Variants in NELFA observed in about 807,000 individuals in gnomAD.
NELFA encodes the protein negative elongation factor complex member A.
A neutral mutation model predicts 51.8 loss-of-function variants in NELFA; 35 were observed. The observed-to-expected ratio is 0.68, with a 90% confidence interval of 0.52 to 0.90. The LOEUF (loss-of-function observed/expected upper bound fraction) is 0.90. Ranked by LOEUF, NELFA falls within the 40% of genes least tolerant of loss-of-function variation. The probability of loss-of-function intolerance (pLI) is 0.00; values close to 1 mark genes in which losing one functional copy is unlikely to be tolerated. For synonymous variants in NELFA, 417 were observed against 338.4 expected, an observed-to-expected ratio of 1.23 and a Z score of -2.55; for missense variants, 658 against 746.4, an observed-to-expected ratio of 0.88 and a Z score of 1.38.
intron 1 of NELFA, among the ~76,000 whole-genome samples, chr4:2,006,083 T>C (rs964152233): frequency 1.3e-5 from 2 of 152,204 alleles, no homozygotes; most frequent in Non-Finnish European, 2.9e-5. Context: ...CTCCGTCCGC[T>C]AACAAGGCTT....
intron 1 of NELFA, among the ~76,000 whole-genome samples, chr4:1,995,675 C>G (rs1288270500): frequency 6.6e-6 from 1 of 152,020 alleles, no homozygotes; most frequent in South Asian, 2.1e-4. Context: ...TAGATGGAAG[C>G]AGATTTTAAG....
At chr4:2,003,379 T>C (rs1560884913) in intron 1 of NELFA, among the ~76,000 whole-genome samples, 1 of 152,222 alleles carries the variant, frequency 6.6e-6, no homozygotes, top group Non-Finnish European at 1.5e-5. Flanking sequence ...TGTTACTGGA[T>C]ATATACCCAA....
intron 4 of NELFA, 94 bp from the exon 5 acceptor site, chr4:1,986,496 G>C (rs564419764): frequency 2.5e-6 from 4 of 1,571,310 alleles, no homozygotes; most frequent in Non-Finnish European, 3.5e-6. Context: ...CTAGGCTAGC[G>C]CCGCAGAGGG....
chr4:1,992,432 C>T (rs1415840972), intron 1 of NELFA: 2 of 420,540 alleles, frequency 4.8e-6, no homozygotes, highest in African/African-American at 2.1e-5. Flanking sequence ...CACACCAGGG[C>T]CTGCTTCGGC....
At chr4:1,985,985 G>A in intron 6 of NELFA, 121 bp from the exon 7 acceptor site, 3 of 1,343,816 alleles carry the variant, frequency 2.2e-6, no homozygotes, top group Non-Finnish European at 3.0e-6. Flanking sequence ...GAGAAAAGCA[G>A]GCACCCACCC....
chr4:1,992,560 G>C lies in NELFA; in HGVS notation c.211-845C>G, dbSNP rs904029452. 10 of 339,922 alleles carry C rather than the reference G, an allele frequency of 2.9e-5. No individual in the cohort carries two copies. In the Middle Eastern group the frequency reaches 1.9e-3, roughly 64 times the overall value. 21.1% of individuals were successfully genotyped at this position (339,922 alleles called of 1,614,324 possible). The stretch of plus-strand genomic sequence containing the variant: ...AGACAGCTGGGCTGGCTGGCGCTGG[G>C]GGTGAACAACAGCGCCCTGCCCTGT... On this transcript the variant is annotated intron_variant, in intron 1 of 10. Transcript: ENST00000382882.
chr4:2,002,259 A>T (rs1402651276), intron 1 of NELFA, among the ~76,000 whole-genome samples: 1 of 152,224 alleles, frequency 6.6e-6, no homozygotes, highest in Non-Finnish European at 1.5e-5. Context: ...AAAGCATTCC[A>T]TCCTCGTGGA....
intron 8 of NELFA, 52 bp from the exon 9 acceptor site, chr4:1,984,165 A>C: frequency 1.4e-6 from 2 of 1,461,118 alleles, no homozygotes; most frequent in East Asian, 2.4e-5. Context: ...CCCTGTTCCC[A>C]AACCCTAGTG....
chr4:1,988,004 G>A lies in NELFA; in HGVS notation c.548C>T (p.Thr183Met), dbSNP rs1292346859. ...CCGCTTCAACTGCTGGGCGGTCTCC[G>A]TGGCTGGAAGGAAGAGGTCACATAT... ...TLRAELLQKS[T>M]ETAQQLKRSA... Residue 183 changes from threonine to methionine, a missense_variant, in exon 4 of 11, where the codon ACG (threonine) becomes ATG (methionine). By Grantham distance (81) the Thr-to-Met change is moderately conservative. Around this residue, in one of 3 missense-constraint regions of NELFA, gnomAD observed 371 missense variants for 448.3 expected, o/e 0.83. Coordinates refer to ENST00000382882, the MANE Select transcript of NELFA (RefSeq NM_005663.5). 3.7e-6 allele frequency: 6 copies of A among 1,609,598 alleles called. No individual in the cohort carries two copies. The highest frequency in any genetic ancestry group is 1.7e-5 in the Admixed American group (1 of 59,906).
In NELFA at chr4:1,983,156, C is replaced by A; in HGVS notation, c.*163G>T. ...AAATTTTAAAAATAAGCCCCAAATA[C>A]CCCAGAGAAATGCATCCAGAACTTA... On this transcript the variant is annotated 3_prime_UTR_variant, in exon 11 of 11. Coordinates refer to ENST00000382882, the MANE Select transcript of NELFA (RefSeq NM_005663.5). The A allele has an allele frequency of 5.1e-6, 3 of 593,982 alleles. No individual in the cohort carries two copies. Among genetic ancestry groups the A allele is most frequent in the Non-Finnish European group, 8.4e-6 (3 of 355,180 alleles). 36.8% of individuals were successfully genotyped at this position (593,982 alleles called of 1,614,324 possible).
chr4:1,988,279 C>G (rs1370839684), intron 3 of NELFA, among the ~76,000 whole-genome samples: 1 of 152,238 alleles, frequency 6.6e-6, no homozygotes, highest in South Asian at 2.1e-4. Context: ...CGAGGAGGAG[C>G]TGAGGGACCT....
Position 1,989,853 on chromosome 4 carries a change from C to T in NELFA, c.399G>A (p.Ala133=), listed in dbSNP as rs368044990. The T allele has an allele frequency of 2.6e-4, 414 of 1,613,782 alleles. 4 individuals are homozygous for T. The Middle Eastern group carries it at 2.8e-3, about 11-fold the overall frequency. The change falls in exon 3 of 11, where the codon GCG becomes GCA. Residue 133 remains alanine (A), a synonymous_variant. Transcript: ENST00000382882. The surrounding 1 kb of genome is among the most constrained non-coding windows in gnomAD (Gnocchi z 4.8). ...GGCACTCCAGTGGCAGCATGGCAGA[C>T]GCTTCACACTCACCCACTGCCGGTA... ...ELREKVGECE[A]SAMLPLECQY...
intron 1 of NELFA, 52 bp downstream of exon 1, chr4:2,008,698 G>A (rs1251329768): frequency 2.6e-6 from 4 of 1,557,720 alleles, no homozygotes; most frequent in Non-Finnish European, 3.5e-6. Flanking sequence ...GTGCGGGTCG[G>A]AGGTGGGAAG....
At chr4:1,998,055 C>T (rs1214474295) in intron 1 of NELFA, among the ~76,000 whole-genome samples, 1 of 152,008 alleles carries the variant, frequency 6.6e-6, no homozygotes, top group Non-Finnish European at 1.5e-5. Context: ...AGGGACATGA[C>T]TACGGCAAGG....
intron 1 of NELFA, among the ~76,000 whole-genome samples, chr4:1,996,245 T>G (rs976519442): frequency 5.9e-5 from 9 of 152,198 alleles, no homozygotes; most frequent in Non-Finnish European, 1.0e-4. Flanking sequence ...TATCTTCCCC[T>G]CCAATGTAGG....
rs570098043 is a variant in NELFA, at chr4:1,985,657, A to G, written c.924+119T>C. ...TATACGTATATATACATAAATACAG[A>G]CTGCACACATATGTACATACATATA... On this transcript the variant is annotated intron_variant, in intron 7 of 10. Coordinates refer to ENST00000382882, the MANE Select transcript of NELFA (RefSeq NM_005663.5). 1.6e-4 allele frequency: 116 copies of G among 732,470 alleles called. 1 individual carries two copies. In the South Asian group the frequency reaches 1.9e-3, roughly 12 times the overall value. The allele number at this position is 732,470 out of a possible 1,614,324, so 45.4% of individuals were successfully genotyped here. A position where few individuals can be genotyped will look rare whatever the true frequency, so the allele number is the denominator to read the frequency against.
In NELFA at chr4:1,989,330, C is replaced by CT. The variant is rs1377499769; in HGVS notation, c.544+377dup. 6.6e-6 allele frequency among the ~76,000 whole-genome samples: 1 copy of CT among 151,904 alleles called. No individual in the cohort carries two copies. Among genetic ancestry groups the CT allele is most frequent in the Non-Finnish European group, 1.5e-5 (1 of 67,970 alleles). On this transcript the variant is annotated intron_variant, in intron 3 of 10. Transcript: ENST00000382882. This position sits in a 1 kb window ranked among gnomAD's most constrained non-coding sequence, Gnocchi z 4.8. ...TTCTAACAAAAAACTTTATGCAGAA[C>CT]TTTATCTTCTTTTTCTTGAGACAGG...
intron 1 of NELFA, among the ~76,000 whole-genome samples, chr4:2,000,570 G>A (rs904358378): frequency 5.3e-5 from 8 of 152,066 alleles, no homozygotes; most frequent in Admixed American, 2.6e-4. Flanking sequence ...ATAAATTCCT[G>A]GGTGCATACA....
chr4:2,006,746 G>C (rs992809014), intron 1 of NELFA, among the ~76,000 whole-genome samples: 1 of 135,142 alleles, frequency 7.4e-6, no homozygotes, highest in Non-Finnish European at 1.5e-5. Flanking sequence ...TCTAGCCTGG[G>C]TGACAGAGTG....
Sources: gnomAD v4.1 joint callset for allele counts (sites outside exome capture counted in the v4.1 genomes callset) on GRCh38, gnomAD v4.1.1 for gene constraint, gnomAD v4.1.1 regional missense constraint, Gnocchi (gnomAD v3.1) non-coding constraint, MANE v1.5 for transcripts, NCBI Gene and HGNC (gene_info 2026-07-23, HGNC 2026-07-21) for gene names.